UTS2: variants seen among roughly 807,000 people sequenced by gnomAD.
The protein encoded by UTS2 is urotensin 2, also known as urotensin-2.
UTS2 carries 10 observed loss-of-function variants against 12.6 expected under a neutral mutation model. That is an observed-to-expected ratio of 0.80 (90% CI 0.49 to 1.35). The LOEUF (loss-of-function observed/expected upper bound fraction) is 1.35, where lower values mean the gene tolerates loss of function less well. Ranked by LOEUF, UTS2 falls within the 40% of genes most tolerant of loss-of-function variation. The probability of loss-of-function intolerance (pLI) is 0.00; values close to 1 mark genes in which losing one functional copy is unlikely to be tolerated. For missense variants in UTS2, 142 were observed against 143.2 expected, an observed-to-expected ratio of 0.99 and a Z score of 0.04; for synonymous variants, 52 against 50.0, an observed-to-expected ratio of 1.04 and a Z score of -0.17.
the UTS2 span, among the ~76,000 whole-genome samples, chr1:7,863,017 TG>T: frequency 4.3e-5 from 1 of 23,434 alleles, no homozygotes; most frequent in Admixed American, 4.9e-4. Context: ...TGTATTGTAT[TG>T]TATTGTATTG....
At chr1:7,908,228 T>G in the UTS2 span, among the ~76,000 whole-genome samples, 96,207 of 149,766 alleles carry the variant, frequency 0.64, 31,403 homozygotes, top group African/African-American at 0.74. Context: ...GAACCTGGAG[T>G]CAGAGATTGC....
upstream of UTS2, among the ~76,000 whole-genome samples, chr1:7,858,174 TA>T (rs888404471): frequency 6.6e-6 from 1 of 152,194 alleles, no homozygotes; most frequent in African/African-American, 2.4e-5. Flanking sequence ...GGCTTACGCT[TA>T]AAAGAAAATT....
the UTS2 span, among the ~76,000 whole-genome samples, chr1:7,888,039 G>C: frequency 1.3e-5 from 2 of 152,186 alleles, no homozygotes; most frequent in African/African-American, 4.8e-5. Context: ...AGATTTTAGA[G>C]GACCAGACTA....
the UTS2 span, among the ~76,000 whole-genome samples, chr1:7,860,338 C>T: frequency 3.4e-4 from 52 of 152,042 alleles, no homozygotes; most frequent in Non-Finnish European, 5.1e-4. Context: ...GATGGAACAG[C>T]GAGTGCCAAG....
At chr1:7,853,182 A>T, upstream of UTS2, 1 of 1,518,838 alleles carries the variant, frequency 6.6e-7, no homozygotes, top group Non-Finnish European at 8.8e-7. Context: ...ATCACTTTGC[A>T]TTGATGTAAT....
chr1:7,908,477 A>G, the UTS2 span, among the ~76,000 whole-genome samples: 1 of 150,448 alleles, frequency 6.6e-6, no homozygotes, highest in Non-Finnish European at 1.5e-5. Context: ...AAAAAAAAAA[A>G]AAAGGGATCA....
At chr1:7,872,418 A>C in the UTS2 span, among the ~76,000 whole-genome samples, 1 of 152,276 alleles carries the variant, frequency 6.6e-6, no homozygotes, top group Non-Finnish European at 1.5e-5. Context: ...CCAGTTAGCC[A>C]AGCTTTACAA....
chr1:7,849,046 G>T (rs750402157), intron 3 of UTS2, among the ~76,000 whole-genome samples: 2 of 152,144 alleles, frequency 1.3e-5, no homozygotes, highest in Non-Finnish European at 2.9e-5. Context: ...GTGAATGAGA[G>T]CACAAGTGGA....
chr1:7,894,410 G>A, the UTS2 span, among the ~76,000 whole-genome samples: 4 of 151,982 alleles, frequency 2.6e-5, no homozygotes, highest in Non-Finnish European at 5.9e-5. Context: ...CTGATCTCAA[G>A]TGATCCACCC....
At chr1:7,899,286 C>T in the UTS2 span, among the ~76,000 whole-genome samples, 8 of 152,262 alleles carry the variant, frequency 5.3e-5, no homozygotes, top group East Asian at 1.9e-4. Context: ...ATCTGATTTT[C>T]GGTAAGGACA....
intron 1 of UTS2, among the ~76,000 whole-genome samples, chr1:7,851,476 G>A (rs1020090239): frequency 1.3e-5 from 2 of 152,132 alleles, no homozygotes; most frequent in Non-Finnish European, 2.9e-5. Flanking sequence ...TGTGAAATGT[G>A]GTCGACCAGA....
chr1:7,847,921 CAG>C, intron 3 of UTS2, 39 bp from the exon 4 acceptor site: 1 of 1,374,748 alleles, frequency 7.3e-7, no homozygotes, highest in Non-Finnish European at 1.0e-6. Flanking sequence ...CAAAAAAAAA[CAG>C]ATAAGTTACC....
At position 7,850,545 on chromosome 1, in the gene UTS2, A is replaced by C. The variant is rs575209770; in HGVS notation, c.214+267T>G. Among the ~76,000 whole-genome samples the C allele has an allele frequency of 2.6e-5, 4 of 152,020 alleles. 1 individual carries two copies. In the South Asian group the frequency reaches 8.3e-4, roughly 32 times the overall value. On this transcript the variant is annotated intron_variant, in intron 2 of 3. Transcript: ENST00000361696. The stretch of plus-strand genomic sequence containing the variant: ...TTAAATTGCACTCACTGGAAACTGG[A>C]ATAATTACCACCAAGCTCTACCCCG...
rs751816664 is a variant in UTS2, at chr1:7,853,004, G to T, written c.-1C>A. 3.1e-6 allele frequency: 5 copies of T among 1,610,768 alleles called. No individual in the cohort carries two copies. In the African/African-American group the frequency reaches 5.4e-5, roughly 17 times the overall value. On this transcript the variant is annotated 5_prime_UTR_variant, in exon 1 of 4. Coordinates refer to ENST00000361696, the MANE Select transcript of UTS2 (RefSeq NM_006786.4). ...AACAGCAGGAGGCCAGCTTATACAT[G>T]ATCGCCACAAGATAGACGGCTTCCT...
At chr1:7,889,319 G>C in the UTS2 span, among the ~76,000 whole-genome samples, 1 of 150,512 alleles carries the variant, frequency 6.6e-6, no homozygotes, top group Non-Finnish European at 1.5e-5. Context: ...GCGTGAGCCT[G>C]TGGTCCCCGC....
At chr1:7,894,128 ATTTCT>A in the UTS2 span, among the ~76,000 whole-genome samples, 2 of 139,644 alleles carry the variant, frequency 1.4e-5, no homozygotes, top group African/African-American at 5.2e-5. Context: ...CACTTCTCTG[ATTTCT>A]TTTTTTTTTT....
the UTS2 span, among the ~76,000 whole-genome samples, chr1:7,905,273 G>A: frequency 6.6e-6 from 1 of 151,748 alleles, no homozygotes; most frequent in South Asian, 2.1e-4. Context: ...CCTCCTGCGA[G>A]TAGCTGGGAT....
At chr1:7,893,470 C>T in the UTS2 span, among the ~76,000 whole-genome samples, 18 of 150,078 alleles carry the variant, frequency 1.2e-4, no homozygotes, top group Admixed American at 4.7e-4. Context: ...CCAGCCTGGA[C>T]GACAGAGCCA....
At chr1:7,904,955 A>C in the UTS2 span, among the ~76,000 whole-genome samples, 1 of 150,972 alleles carries the variant, frequency 6.6e-6, no homozygotes, top group South Asian at 2.1e-4. Context: ...TTAAAGGATA[A>C]TTTAGTGAAT....
Sources: gnomAD v4.1 joint callset for allele counts (sites outside exome capture counted in the v4.1 genomes callset) on GRCh38, gnomAD v4.1.1 for gene constraint, MANE v1.5 for transcripts, NCBI Gene and HGNC (gene_info 2026-07-23, HGNC 2026-07-21) for gene names.